Variants in EVA1C observed in about 807,000 individuals in gnomAD.
The protein encoded by EVA1C is eva-1 homolog C.
EVA1C carries 25 observed loss-of-function variants against 45.4 expected under a neutral mutation model. The ratio of observed to expected loss-of-function variants is 0.55; its 90% CI spans 0.40 to 0.77. The LOEUF (loss-of-function observed/expected upper bound fraction) is 0.77, where lower values mean the gene tolerates loss of function less well. Ranked by LOEUF, EVA1C falls within the 30% of genes least tolerant of loss-of-function variation. EVA1C has a pLI of 0.00. For synonymous variants in EVA1C, 190 were observed against 221.2 expected, an observed-to-expected ratio of 0.86 and a Z score of 1.25; for missense variants, 479 against 554.8, an observed-to-expected ratio of 0.86 and a Z score of 1.37.
chr21:32,454,459 T>A (rs893254199), intron 2 of EVA1C, among the ~76,000 whole-genome samples: 9 of 152,154 alleles, frequency 5.9e-5, no homozygotes, highest in Non-Finnish European at 8.8e-5. Flanking sequence ...AGATTTGGTA[T>A]AGGAGAAGGT....
At chr21:32,483,286 G>A (rs1433286580) in intron 4 of EVA1C, among the ~76,000 whole-genome samples, 10 of 152,238 alleles carry the variant, frequency 6.6e-5, no homozygotes, top group South Asian at 2.1e-4. Context: ...CCTGTCTGGC[G>A]CCCGAATGTG....
intron 2 of EVA1C, among the ~76,000 whole-genome samples, chr21:32,455,476 C>T (rs2035745851): frequency 1.3e-5 from 2 of 152,060 alleles, no homozygotes; most frequent in South Asian, 4.2e-4. Context: ...CCAGCCATAG[C>T]ACCCACCCTA....
At chr21:32,418,511 G>A (rs183080974) in intron 1 of EVA1C, among the ~76,000 whole-genome samples, 2 of 152,134 alleles carry the variant, frequency 1.3e-5, no homozygotes, top group African/African-American at 4.8e-5. Flanking sequence ...AAAGGAAGAG[G>A]GTAAAAGTTA....
chr21:32,451,733 G>A (rs1436570437), intron 1 of EVA1C, among the ~76,000 whole-genome samples: 3 of 152,138 alleles, frequency 2.0e-5, no homozygotes, highest in African/African-American at 7.2e-5. Flanking sequence ...GGCATTCCTT[G>A]GCTTCAGGTG....
At chr21:32,506,065 T>TC (rs1272644984) in intron 7 of EVA1C, among the ~76,000 whole-genome samples, 1 of 151,928 alleles carries the variant, frequency 6.6e-6, no homozygotes, top group East Asian at 1.9e-4. Flanking sequence ...TGCAACCACC[T>TC]CCCCACTCTG....
intron 4 of EVA1C, among the ~76,000 whole-genome samples, chr21:32,484,445 G>A (rs774282954): frequency 2.0e-5 from 3 of 152,016 alleles, no homozygotes; most frequent in African/African-American, 7.2e-5. Context: ...TTGGGAGGCT[G>A]AGGCAGGAGA....
intron 4 of EVA1C, among the ~76,000 whole-genome samples, chr21:32,489,480 C>T (rs1267480638): frequency 1.3e-5 from 2 of 152,150 alleles, no homozygotes; most frequent in South Asian, 4.1e-4. Flanking sequence ...ATGCCAGTAT[C>T]ATACTGTTTT....
At chr21:32,422,755 T>C (rs1247285159) in intron 1 of EVA1C, among the ~76,000 whole-genome samples, 2 of 152,088 alleles carry the variant, frequency 1.3e-5, no homozygotes, top group African/African-American at 2.4e-5. Context: ...AAGACAAATT[T>C]ACCGCTAATG....
intron 1 of EVA1C, among the ~76,000 whole-genome samples, chr21:32,417,477 T>C (rs186061872): frequency 4.6e-5 from 7 of 152,338 alleles, no homozygotes; most frequent in Admixed American, 3.9e-4. Context: ...CTCATTTTCA[T>C]GTAGTCACCT....
intron 1 of EVA1C, among the ~76,000 whole-genome samples, chr21:32,437,819 C>G (rs1329855792): frequency 6.6e-6 from 1 of 152,182 alleles, no homozygotes; most frequent in Non-Finnish European, 1.5e-5. Flanking sequence ...AATTGACTAA[C>G]TTGTCCTTAA....
intron 1 of EVA1C, among the ~76,000 whole-genome samples, chr21:32,437,872 G>A (rs989935713): frequency 3.9e-5 from 6 of 152,170 alleles, no homozygotes; most frequent in Non-Finnish European, 8.8e-5. Context: ...AATGAGGGAG[G>A]AGCGAGCGCT....
chr21:32,444,993 G>GA (rs888122654), intron 1 of EVA1C, among the ~76,000 whole-genome samples: 1 of 152,192 alleles, frequency 6.6e-6, no homozygotes, highest in African/African-American at 2.4e-5. Context: ...ATAAATCAAT[G>GA]AAAATGACCA....
In EVA1C at chr21:32,515,114, A is replaced by G. The variant is rs201427671; in HGVS notation, c.1250A>G (p.Glu417Gly). ...AELAERIERR[E>G]QIIQEIWMNS... The stretch of plus-strand genomic sequence containing the variant: ...CTCGCAGAAAGGATTGAGCGCAGGG[A>G]GCAAATCATTCAGGAAATATGGATG... The change falls in exon 8 of 8, where the codon GAG (glutamate) becomes GGG (glycine). Residue 417 changes from glutamate to glycine, a missense_variant. By Grantham distance (98) the Glu-to-Gly change is moderately conservative. Around this residue, in one of 3 missense-constraint regions of EVA1C, gnomAD observed 366 missense variants for 426.1 expected, o/e 0.86. Transcript: ENST00000300255. 14 of 1,613,946 alleles carry G rather than the reference A, an allele frequency of 8.7e-6. No homozygotes were observed. The highest frequency in any genetic ancestry group is 1.6e-4 in the Middle Eastern group (1 of 6,062).
At chr21:32,459,611 G>C (rs2035921214) in intron 3 of EVA1C, among the ~76,000 whole-genome samples, 1 of 152,152 alleles carries the variant, frequency 6.6e-6, no homozygotes, top group Non-Finnish European at 1.5e-5. Flanking sequence ...GGAGGCTGAG[G>C]CGGGTAGATC....
chr21:32,461,982 T>A (rs2833842), intron 3 of EVA1C, among the ~76,000 whole-genome samples: 66,202 of 151,972 alleles, frequency 0.44, 15,145 homozygotes, highest in East Asian at 0.55. Context: ...TAGGGCTGTT[T>A]TAAGACTGTG....
intron 1 of EVA1C, among the ~76,000 whole-genome samples, chr21:32,413,293 G>T (rs1321829881): frequency 6.6e-6 from 1 of 152,248 alleles, no homozygotes. Context: ...ACCTGGTCCT[G>T]AGCCACGCTC....
Position 32,471,786 on chromosome 21 carries a change from G to A in EVA1C, c.634+3938G>A, listed in dbSNP as rs145607218. ...TCGAACTACAGGTGCCCGCCACCAC[G>A]CCCCACTATTTTTTTGTATTTTTAG... On this transcript the variant is annotated intron_variant, in intron 4 of 7. Transcript: ENST00000300255. 8.2e-3 allele frequency among the ~76,000 whole-genome samples: 1,247 copies of A among 151,630 alleles called. 13 individuals are homozygous for A. The highest frequency in any genetic ancestry group is 0.027 in the African/African-American group (1,126 of 41,312).
At chr21:32,502,016 CTTTCTTTCTT>C (rs2037557676) in intron 6 of EVA1C, among the ~76,000 whole-genome samples, 1 of 135,950 alleles carries the variant, frequency 7.4e-6, no homozygotes, top group Non-Finnish European at 1.5e-5. Flanking sequence ...TTCTTTCTTT[CTTTCTTTCTT>C]TCTTTCTTTC....
intron 1 of EVA1C, among the ~76,000 whole-genome samples, chr21:32,418,297 CAGA>C (rs1175664351): frequency 2.6e-5 from 4 of 152,168 alleles, no homozygotes; most frequent in Admixed American, 6.5e-5. Context: ...CTAGAGGCCA[CAGA>C]AGAAGAGAGA....
Sources: gnomAD v4.1 joint callset for allele counts (sites outside exome capture counted in the v4.1 genomes callset) on GRCh38, gnomAD v4.1.1 for gene constraint, gnomAD v4.1.1 regional missense constraint, MANE v1.5 for transcripts, NCBI Gene and HGNC (gene_info 2026-07-23, HGNC 2026-07-21) for gene names.